Variants in ERC2 observed in about 807,000 individuals in gnomAD.
ERC2 encodes the protein ELKS/RAB6-interacting/CAST family member 2, also known as ERC protein 2.
In ERC2, 42 loss-of-function variants were observed where a neutral mutation model predicts 114.8. The observed-to-expected ratio is 0.37, with a 90% CI of 0.29 to 0.47. The LOEUF (loss-of-function observed/expected upper bound fraction) is 0.47. ERC2 is among the 20% of genes least tolerant of loss of function. ERC2 has a pLI of 0.99. For synonymous variants in ERC2, 454 were observed against 425.5 expected, an observed-to-expected ratio of 1.07 and a Z score of -0.82; for missense variants, 939 against 1,150.7, an observed-to-expected ratio of 0.82 and a Z score of 2.66.
At chr3:55,823,957 A>G (rs572377853) in intron 14 of ERC2, among the ~76,000 whole-genome samples, 10 of 152,274 alleles carry the variant, frequency 6.6e-5, no homozygotes, top group African/African-American at 2.4e-4. Context: ...CGGCAGATTC[A>G]GTTTCTCCTG....
chr3:55,835,799 G>C (rs9823479), intron 14 of ERC2, among the ~76,000 whole-genome samples: 26,949 of 151,780 alleles, frequency 0.18, 3,527 homozygotes, highest in African/African-American at 0.36. Context: ...ATTAGGAAAA[G>C]AGGAAGTCAG....
chr3:56,460,695 AC>A (rs1414388904), intron 1 of ERC2, among the ~76,000 whole-genome samples: 1 of 152,176 alleles, frequency 6.6e-6, no homozygotes, highest in East Asian at 1.9e-4. Context: ...TCATCTCTGT[AC>A]CCCCAGTGCC....
chr3:55,808,742 T>TATATATAA lies in ERC2; in HGVS notation c.2565-73825_2565-73824insTTATATAT, dbSNP rs1455596885. On this transcript the variant is annotated intron_variant, in intron 14 of 17. Transcript: ENST00000288221. ...ATATATATATATATATATATATATA[T>TATATATAA]AACGTATAACTAAACATATATATAT... Among the ~76,000 whole-genome samples, 106 of 100,348 alleles carry TATATATAA rather than the reference T, an allele frequency of 1.1e-3. 1 individual carries two copies. Among genetic ancestry groups the TATATATAA allele is most frequent in the African/African-American group, 3.5e-3 (79 of 22,860 alleles). 65.8% of individuals were successfully genotyped at this position (100,348 alleles called of 152,430 possible).
chr3:56,065,497 T>C (rs528534940), intron 7 of ERC2, among the ~76,000 whole-genome samples: 3 of 152,022 alleles, frequency 2.0e-5, no homozygotes, highest in Non-Finnish European at 2.9e-5. Flanking sequence ...AGCCTCATGA[T>C]ATTCTGACAT....
intron 13 of ERC2, among the ~76,000 whole-genome samples, chr3:55,947,020 C>A (rs893456621): frequency 2.6e-5 from 4 of 152,190 alleles, no homozygotes; most frequent in Admixed American, 1.3e-4. Flanking sequence ...GCAGAGGCCG[C>A]AAGCCAATGG....
chr3:56,168,283 A>C (rs868061889), intron 4 of ERC2, among the ~76,000 whole-genome samples: 2 of 152,246 alleles, frequency 1.3e-5, no homozygotes, highest in Middle Eastern at 3.4e-3. Flanking sequence ...TGTTGCTGTC[A>C]TTGGGTATTA....
intron 12 of ERC2, among the ~76,000 whole-genome samples, chr3:55,974,351 A>C (rs1220142375): frequency 6.6e-6 from 1 of 152,220 alleles, no homozygotes; most frequent in Non-Finnish European, 1.5e-5. Context: ...ATCAGACAAG[A>C]TCAAGGCAGA....
intron 15 of ERC2, among the ~76,000 whole-genome samples, chr3:55,730,436 T>C (rs1017518541): frequency 6.6e-6 from 1 of 152,238 alleles, no homozygotes; most frequent in Non-Finnish European, 1.5e-5. Flanking sequence ...ATAAAGCATT[T>C]GGCATAGAGC....
chr3:55,922,516 C>T (rs1002972899), intron 13 of ERC2, among the ~76,000 whole-genome samples: 3 of 152,078 alleles, frequency 2.0e-5, no homozygotes, highest in African/African-American at 7.2e-5. Context: ...AAACATCAAA[C>T]AGCTCTTCTC....
chr3:56,374,429 A>G (rs913707107), intron 2 of ERC2, among the ~76,000 whole-genome samples: 3 of 152,174 alleles, frequency 2.0e-5, no homozygotes, highest in African/African-American at 7.2e-5. Context: ...AATATAGCCA[A>G]CACTTTTTAC....
At chr3:55,569,861 A>AT (rs375004734) in intron 17 of ERC2, among the ~76,000 whole-genome samples, 20,554 of 125,180 alleles carry the variant, frequency 0.16, 1,861 homozygotes, top group Non-Finnish European at 0.18. Context: ...CTTCATTTCT[A>AT]TTTTTTTTTT....
chr3:56,129,515 T>C (rs554434665), intron 6 of ERC2, among the ~76,000 whole-genome samples: 1 of 152,296 alleles, frequency 6.6e-6, no homozygotes, highest in East Asian at 1.9e-4. Context: ...AGAGTTTTGT[T>C]GGATTTCCCT....
At chr3:55,766,005 G>T (rs2067756525) in intron 14 of ERC2, among the ~76,000 whole-genome samples, 1 of 152,164 alleles carries the variant, frequency 6.6e-6, no homozygotes, top group African/African-American at 2.4e-5. Context: ...CTCCAAATTG[G>T]GGGAAGAATC....
At chr3:55,917,310 A>T (rs1176059177) in intron 13 of ERC2, among the ~76,000 whole-genome samples, 2 of 152,222 alleles carry the variant, frequency 1.3e-5, no homozygotes, top group Non-Finnish European at 1.5e-5. Flanking sequence ...AACATTCCTT[A>T]TAATGGCCAA....
chr3:56,021,277 A>C lies in ERC2; in HGVS notation c.1642-2246T>G, dbSNP rs74634008. Among the ~76,000 whole-genome samples, 46 of 152,274 alleles carry C rather than the reference A, an allele frequency of 3.0e-4. 1 individual carries two copies. The East Asian group carries it at 7.4e-3, about 24-fold the overall frequency. ...TTTTAACTTTTGTAGGGTAAGGTCT[A>C]GGAGGCAGAAGGAAGAAGGAGTTTC... On this transcript the variant is annotated intron_variant, in intron 7 of 17. Transcript: ENST00000288221.
At chr3:56,166,789 G>T (rs1442414830) in intron 4 of ERC2, among the ~76,000 whole-genome samples, 2 of 151,736 alleles carry the variant, frequency 1.3e-5, no homozygotes, top group Non-Finnish European at 1.5e-5. Context: ...TACTCTTCTT[G>T]CTGATTCTAA....
intron 14 of ERC2, among the ~76,000 whole-genome samples, chr3:55,779,571 C>T (rs1325108226): frequency 6.6e-6 from 1 of 151,606 alleles, no homozygotes; most frequent in African/African-American, 2.4e-5. Context: ...ATCTTGGATA[C>T]ATAAAAGAAG....
chr3:56,149,048 T>C lies in ERC2; in HGVS notation c.1234A>G (p.Thr412Ala), dbSNP rs773397641. The stretch of plus-strand genomic sequence containing the variant: ...TTGATCTCTTCTTCGCGGTCCTCAG[T>C]GTTCAGCACACCATTGGCTTTTAAC... Reference protein sequence around the residue: ...QMLKANGVLNTEDREEEIKQI... With the variant: ...QMLKANGVLNAEDREEEIKQI... The change falls in exon 5 of 18, where the codon ACT becomes GCT. Residue 412 changes from threonine (T) to alanine (A), a missense_variant. By Grantham distance (58) the Thr-to-Ala change is moderately conservative. This residue lies in a region of ERC2 where 148 missense variants were observed against 159.1 expected (regional missense o/e 0.93). Coordinates refer to ENST00000288221, the MANE Select transcript of ERC2 (RefSeq NM_015576.3). The C allele has an allele frequency of 1.9e-6, 3 of 1,613,498 alleles. No individual in the cohort carries two copies. The highest frequency in any genetic ancestry group is 1.7e-5 in the Admixed American group (1 of 59,962).
chr3:56,253,397 T>C (rs1428151090), intron 3 of ERC2, among the ~76,000 whole-genome samples: 4 of 152,236 alleles, frequency 2.6e-5, no homozygotes, highest in Non-Finnish European at 5.9e-5. Context: ...ACTTTTCTTT[T>C]TCTAAAAAAG....
Sources: gnomAD v4.1 joint callset for allele counts (sites outside exome capture counted in the v4.1 genomes callset) on GRCh38, gnomAD v4.1.1 for gene constraint, gnomAD v4.1.1 regional missense constraint, MANE v1.5 for transcripts, NCBI Gene and HGNC (gene_info 2026-07-23, HGNC 2026-07-21) for gene names.